ZNF433: variants seen among roughly 807,000 people sequenced by gnomAD.
The protein encoded by ZNF433 is zinc finger protein 433.
ZNF433 carries 12 observed loss-of-function variants against 10.6 expected under a neutral mutation model. The ratio of observed to expected loss-of-function variants is 1.13; its 90% CI spans 0.72 to 1.83. ZNF433 has a LOEUF of 1.83. Ranked by LOEUF, ZNF433 falls within the 40% of genes most tolerant of loss-of-function variation. The pLI is 0.00. For synonymous variants in ZNF433, 272 were observed against 271.3 expected, an observed-to-expected ratio of 1.00 and a Z score of -0.02; for missense variants, 737 against 798.0, an observed-to-expected ratio of 0.92 and a Z score of 0.92.
chr19:12,026,657 AT>A (rs1974748102), intron 1 of ZNF433: 1 of 452,578 alleles, frequency 2.2e-6, no homozygotes, highest in South Asian at 1.6e-5. Context: ...TCAAAAAACT[AT>A]TTGTAAACAG....
chr19:12,025,152 C>T (rs1018842038), intron 1 of ZNF433: 3 of 152,124 alleles, frequency 2.0e-5, no homozygotes, highest in African/African-American at 4.8e-5. Context: ...CCCTGTACTT[C>T]GGCTCAAAAA....
chr19:12,023,956 C>A (rs1280773406), intron 1 of ZNF433: 1 of 152,052 alleles, frequency 6.6e-6, no homozygotes, highest in African/African-American at 2.4e-5. Context: ...AAAGTTCCCA[C>A]CAAGGTTTAG....
At position 12,035,526 on chromosome 19, in the gene ZNF433, C is replaced by T. The variant is rs372214990; in HGVS notation, c.3+11G>A. 1.5e-5 allele frequency: 24 copies of T among 1,571,916 alleles called. No individual in the cohort carries two copies. Among genetic ancestry groups the T allele is most frequent in the Non-Finnish European group, 2.0e-5 (23 of 1,158,792 alleles). On this transcript the variant is annotated intron_variant, in intron 1 of 3. Transcript: ENST00000550507. ...CTCCCCCGCCTCGGGACCCCTGGCCCGCACGCTCACCATTTCTTGCCTTTC... is the reference window on the plus strand; with the variant it reads ...CTCCCCCGCCTCGGGACCCCTGGCCTGCACGCTCACCATTTCTTGCCTTTC...
intron 1 of ZNF433, among the ~76,000 whole-genome samples, chr19:12,032,183 G>A (rs1975068617): frequency 6.6e-6 from 1 of 151,830 alleles, no homozygotes; most frequent in African/African-American, 2.4e-5. Flanking sequence ...GGTGATCTGT[G>A]CGCCTCGACC....
In ZNF433 at chr19:12,015,437, G is replaced by A. The variant is rs769243125; in HGVS notation, c.1421C>T (p.Pro474Leu). 1.9e-5 allele frequency: 30 copies of A among 1,613,978 alleles called. No individual in the cohort carries two copies. The East Asian group carries it at 4.9e-4, about 26-fold the overall frequency. ...TTTCCCATAACCCTTACATTCATAC[G>A]GCTTCTCTTCTCTGTGCATCCTTTC... ...IHERMHREEK[P>L]YECKGYGKTF... Residue 474 changes from proline (P) to leucine (L), a missense_variant, in exon 4 of 4, where the codon CCG becomes CTG. Pro to Leu is a moderately conservative substitution (Grantham distance 98). Transcript: ENST00000550507.
At chr19:12,032,434 C>T (rs747260457) in intron 1 of ZNF433, among the ~76,000 whole-genome samples, 1 of 151,482 alleles carries the variant, frequency 6.6e-6, no homozygotes, top group Non-Finnish European at 1.5e-5. Flanking sequence ...CTACACTGCC[C>T]GCAGAGAAGA....
At position 12,016,334 on chromosome 19, in the gene ZNF433, G is replaced by C; in HGVS notation, c.524C>G (p.Thr175Arg). 6.2e-7 allele frequency: 1 copy of C among 1,614,156 alleles called. No individual in the cohort carries two copies. Among genetic ancestry groups the C allele is most frequent in the Non-Finnish European group, 8.5e-7 (1 of 1,180,020 alleles). ...TTGAAGGTTTGAATGGGAAATAAAT[G>C]TTTTTCCGCATTCCTCACAAACATA... is the stretch of plus-strand genomic sequence containing the variant. Reference protein sequence around the residue: ...KLYVCEECGKTFISHSNLQRH... With the variant: ...KLYVCEECGKRFISHSNLQRH... Residue 175 changes from threonine (T) to arginine (R), a missense_variant, in exon 4 of 4, where the codon ACA (threonine) becomes AGA (arginine). Coordinates refer to ENST00000550507, the MANE Select transcript of ZNF433 (RefSeq NM_001308348.2).
intron 1 of ZNF433, chr19:12,024,408 A>C (rs1417170834): frequency 6.6e-6 from 1 of 152,224 alleles, no homozygotes; most frequent in Non-Finnish European, 1.5e-5. Context: ...AAGCATTTTC[A>C]CTGGAAAGTG....
At chr19:12,028,941 T>C (rs190754649) in intron 1 of ZNF433, among the ~76,000 whole-genome samples, 8 of 152,312 alleles carry the variant, frequency 5.3e-5, no homozygotes, top group African/African-American at 1.9e-4. Flanking sequence ...TTCTCCCACC[T>C]TGGCCTCCAA....
chr19:12,019,069 A>T (rs1296177802), intron 1 of ZNF433, among the ~76,000 whole-genome samples: 1 of 151,028 alleles, frequency 6.6e-6, no homozygotes, highest in Non-Finnish European at 1.5e-5. Flanking sequence ...AAAAAAAAAA[A>T]AAAAAAAATT....
At position 12,020,975 on chromosome 19, in the gene ZNF433, T is replaced by G. The variant is rs559270343; in HGVS notation, c.4-2683A>C. Among the ~76,000 whole-genome samples the G allele has an allele frequency of 6.0e-3, 911 of 150,992 alleles. 17 individuals carry two copies. Among genetic ancestry groups the G allele is most frequent in the African/African-American group, 0.021 (867 of 41,110 alleles). ...TCTTAAGGACTCCTGCTTTACTGTT[T>G]TTTTTTTTTTCTTTTTTTTTGAGAC... is the stretch of plus-strand genomic sequence containing the variant. On this transcript the variant is annotated intron_variant, in intron 1 of 3. Coordinates refer to ENST00000550507, the MANE Select transcript of ZNF433 (RefSeq NM_001308348.2).
intron 1 of ZNF433, chr19:12,030,081 C>CA (rs74180055): frequency 0.093 from 18,837 of 202,916 alleles, 307 homozygotes; most frequent in African/African-American, 0.13. Context: ...GACTCCATCT[C>CA]AAAAAAAAAA....
At chr19:12,016,806 C>T (rs929380809) in intron 3 of ZNF433, 140 bp from the exon 4 acceptor site, 34 of 1,227,612 alleles carry the variant, frequency 2.8e-5, no homozygotes, top group Middle Eastern at 2.8e-4. Context: ...TGTAGTGGTG[C>T]GATCTTCGCT....
At chr19:12,018,319 G>A (rs1292414366) in intron 1 of ZNF433, 27 bp from the exon 2 acceptor site, 2 of 1,599,822 alleles carry the variant, frequency 1.3e-6, no homozygotes, top group Non-Finnish European at 1.7e-6. Context: ...GTATAGAGGA[G>A]GATGGATAAG....
In ZNF433 at chr19:12,016,661, A is replaced by C. The variant is rs747712373; in HGVS notation, c.197T>G (p.Val66Gly). The change falls in exon 4 of 4, where the codon GTG becomes GGG. Residue 66 changes from valine (V) to glycine (G), a missense_variant. Coordinates refer to ENST00000550507, the MANE Select transcript of ZNF433 (RefSeq NM_001308348.2). ...TTTACTTTCAAAGAGTCTCTCTCCCACAATTCTGTGAACAATAAGAAGTAC... is the reference window on the plus strand; with the variant it reads ...TTTACTTTCAAAGAGTCTCTCTCCCCCAATTCTGTGAACAATAAGAAGTAC... Reference protein sequence around the residue: ...YENLRRNLRIVGERLFESKEG... With the variant: ...YENLRRNLRIGGERLFESKEG... 1.2e-5 allele frequency: 19 copies of C among 1,613,044 alleles called. No homozygotes were observed. The highest frequency in any genetic ancestry group is 1.4e-5 in the Non-Finnish European group (16 of 1,179,738).
chr19:12,027,782 G>A (rs2145463237), intron 1 of ZNF433: 1 of 152,326 alleles, frequency 6.6e-6, no homozygotes, highest in East Asian at 1.9e-4. Context: ...GCACCACTGG[G>A]TTAGGGTCTC....
At position 12,015,804 on chromosome 19, in the gene ZNF433, T is replaced by TTTGAAAG; in HGVS notation, c.1047_1053dup (p.Asn352LeufsTer15). The TTTGAAAG allele has an allele frequency of 6.2e-7, 1 of 1,614,198 alleles. No individual in the cohort carries two copies. Among genetic ancestry groups the TTTGAAAG allele is most frequent in the South Asian group, 1.1e-5 (1 of 91,082 alleles). Reference sequence around the variant, plus strand: ...TCTCCAGTGTGCATTCCCAAGTGGTTTTGAAAGCTGGTAAGATAAGATAAT... The same window carrying TTTGAAAG: ...TCTCCAGTGTGCATTCCCAAGTGGTTTTGAAAGTTGAAAGCTGGTAAGATAAGATAAT... On this transcript the variant is annotated frameshift_variant, in exon 4 of 4. Coordinates refer to ENST00000550507, the MANE Select transcript of ZNF433 (RefSeq NM_001308348.2). LOFTEE classifies it low-confidence loss of function (END_TRUNC).
chr19:12,029,647 A>G (rs1322768749), intron 1 of ZNF433, among the ~76,000 whole-genome samples: 1 of 151,846 alleles, frequency 6.6e-6, no homozygotes, highest in Non-Finnish European at 1.5e-5. Flanking sequence ...AACCTGTAAT[A>G]CGATGGAATT....
intron 1 of ZNF433, 141 bp downstream of exon 1, chr19:12,035,396 C>A: frequency 8.0e-7 from 1 of 1,243,256 alleles, no homozygotes; most frequent in Non-Finnish European, 1.1e-6. Flanking sequence ...GCCAAGGGGA[C>A]CAAGGGCCGA....
Sources: gnomAD v4.1 joint callset for allele counts (sites outside exome capture counted in the v4.1 genomes callset) on GRCh38, gnomAD v4.1.1 for gene constraint, MANE v1.5 for transcripts, NCBI Gene and HGNC (gene_info 2026-07-23, HGNC 2026-07-21) for gene names.